Variants in STXBP5L observed in about 807,000 individuals in gnomAD.
STXBP5L encodes syntaxin-binding protein 5-like.
STXBP5L carries 65 observed loss-of-function variants against 144.5 expected under a neutral mutation model. The observed-to-expected ratio is 0.45, with a 90% CI of 0.37 to 0.55. The LOEUF (loss-of-function observed/expected upper bound fraction) is 0.55, where lower values mean the gene tolerates loss of function less well. Among genes scored for constraint, STXBP5L ranks in the 20% least tolerant of loss-of-function variants. The pLI, the probability that STXBP5L is intolerant of heterozygous loss-of-function variation, is 0.00. For missense variants in STXBP5L, 1,298 were observed against 1,405.5 expected (o/e 0.92, Z 1.22); for synonymous variants, 505 against 469.6 (o/e 1.08, Z -0.97).
rs185485716 is a variant in STXBP5L, at chr3:120,952,380, T to C, written c.190-2560T>C. ...TTGTGTAGTTTTCAGAGTACAAATT[T>C]TGCACTTCTTTTGTTCATTTTATTC... On this transcript the variant is annotated intron_variant, in intron 2 of 26. Transcript: ENST00000471454. 2.6e-5 allele frequency among the ~76,000 whole-genome samples: 4 copies of C among 152,228 alleles called. No individual in the cohort carries two copies. In the East Asian group the frequency reaches 7.7e-4, roughly 29 times the overall value.
intron 6 of STXBP5L, among the ~76,000 whole-genome samples, chr3:121,116,162 C>T (rs1000424890): frequency 1.3e-5 from 2 of 152,054 alleles, no homozygotes; most frequent in South Asian, 2.1e-4. Context: ...TTATTTAACA[C>T]GTTTATGCTC....
intron 3 of STXBP5L, among the ~76,000 whole-genome samples, chr3:121,001,402 A>G (rs1464458397): frequency 6.6e-6 from 1 of 152,184 alleles, no homozygotes; most frequent in Non-Finnish European, 1.5e-5. Context: ...TCCCACAGGC[A>G]CGATAGCTCT....
chr3:121,182,217 A>G (rs1470775919), intron 9 of STXBP5L, among the ~76,000 whole-genome samples: 1 of 152,218 alleles, frequency 6.6e-6, no homozygotes, highest in Non-Finnish European at 1.5e-5. Flanking sequence ...TGCAGAATAT[A>G]CATTCTTCTC....
At chr3:121,147,656 C>A (rs1353837667) in intron 7 of STXBP5L, among the ~76,000 whole-genome samples, 1 of 152,020 alleles carries the variant, frequency 6.6e-6, no homozygotes, top group Non-Finnish European at 1.5e-5. Context: ...CTTGAGGTAA[C>A]CAAATATTGG....
chr3:120,991,960 A>G (rs1297663311), intron 3 of STXBP5L, among the ~76,000 whole-genome samples: 3 of 152,192 alleles, frequency 2.0e-5, no homozygotes, highest in Admixed American at 2.0e-4. Flanking sequence ...TTAAAGTATA[A>G]TAAAAAAAAT....
rs1295826961 is a variant in STXBP5L, at chr3:121,301,367, A to G, written c.2111-17108A>G. Among the ~76,000 whole-genome samples, 3 of 152,256 alleles carry G rather than the reference A, an allele frequency of 2.0e-5. No homozygotes were observed. The East Asian group carries it at 5.8e-4, about 29-fold the overall frequency. On this transcript the variant is annotated intron_variant, in intron 19 of 26. Coordinates refer to ENST00000471454, the MANE Select transcript of STXBP5L (RefSeq NM_001308330.2). Reference sequence around the variant, plus strand: ...TGTTTGTCTGTTATTGGTGTATAAGAATGCTTGTGATTTTTGCACGTTGAT... The same window carrying G: ...TGTTTGTCTGTTATTGGTGTATAAGGATGCTTGTGATTTTTGCACGTTGAT...
intron 5 of STXBP5L, among the ~76,000 whole-genome samples, chr3:121,050,523 C>G (rs940916167): frequency 3.6e-4 from 55 of 152,152 alleles, no homozygotes; most frequent in Admixed American, 1.1e-3. Context: ...ACTTTACAGA[C>G]AAGCAAATGC....
chr3:121,049,956 C>T (rs752789967), intron 5 of STXBP5L, among the ~76,000 whole-genome samples: 6 of 152,228 alleles, frequency 3.9e-5, no homozygotes, highest in Middle Eastern at 3.4e-3. Context: ...TCCAAGGATG[C>T]AAAGGTCCAT....
At chr3:121,138,823 C>T (rs1012184430) in intron 7 of STXBP5L, among the ~76,000 whole-genome samples, 1 of 151,962 alleles carries the variant, frequency 6.6e-6, no homozygotes. Context: ...AGGGGAAATG[C>T]TTCATGACAT....
chr3:121,109,532 T>C (rs546346512), intron 5 of STXBP5L, among the ~76,000 whole-genome samples: 2 of 152,316 alleles, frequency 1.3e-5, no homozygotes, highest in Admixed American at 1.3e-4. Context: ...TTGTATGGGT[T>C]TGACTGTGTT....
At chr3:121,250,685 A>C (rs746926699) in intron 14 of STXBP5L, 38 bp from the exon 15 acceptor site, 2 of 1,519,088 alleles carry the variant, frequency 1.3e-6, no homozygotes, top group Admixed American at 3.6e-5. Flanking sequence ...ATTTTTATTT[A>C]GTATACTTTA....
chr3:121,341,979 TTAAA>T (rs899394722), intron 20 of STXBP5L, among the ~76,000 whole-genome samples: 18 of 152,030 alleles, frequency 1.2e-4, no homozygotes, highest in African/African-American at 2.9e-4. Flanking sequence ...TTAGAATAAC[TTAAA>T]TAATATAATT....
At chr3:121,317,714 G>C (rs564869280) in intron 19 of STXBP5L, among the ~76,000 whole-genome samples, 1 of 152,160 alleles carries the variant, frequency 6.6e-6, no homozygotes, top group South Asian at 2.1e-4. Flanking sequence ...CAAGTAGAAA[G>C]AATTATAAAA....
At chr3:121,038,193 A>T (rs1415767861) in intron 3 of STXBP5L, among the ~76,000 whole-genome samples, 1 of 151,746 alleles carries the variant, frequency 6.6e-6, no homozygotes, top group African/African-American at 2.4e-5. Context: ...TTTGAAATTA[A>T]TTTGCTCTTC....
At chr3:121,318,413 A>T in intron 19 of STXBP5L, 62 bp from the exon 20 acceptor site, 1 of 1,332,804 alleles carries the variant, frequency 7.5e-7, no homozygotes, top group Non-Finnish European at 1.0e-6. Context: ...GGAATTAAGA[A>T]ATAAGAATAA....
intron 20 of STXBP5L, among the ~76,000 whole-genome samples, chr3:121,340,638 A>T (rs920897610): frequency 1.3e-5 from 2 of 152,076 alleles, no homozygotes; most frequent in Admixed American, 6.6e-5. Flanking sequence ...AACTTCATCC[A>T]TGTTCCTGCA....
chr3:120,936,614 G>A (rs535252366), intron 2 of STXBP5L, among the ~76,000 whole-genome samples: 1 of 151,698 alleles, frequency 6.6e-6, no homozygotes, highest in Non-Finnish European at 1.5e-5. Context: ...TCTGATACAT[G>A]CAGGTTTTTT....
chr3:121,325,725 T>C (rs1169244945), intron 20 of STXBP5L, among the ~76,000 whole-genome samples: 1 of 152,014 alleles, frequency 6.6e-6, no homozygotes, highest in Admixed American at 6.6e-5. Flanking sequence ...ATATTAAGCC[T>C]TTTTTACTAA....
intron 5 of STXBP5L, among the ~76,000 whole-genome samples, chr3:121,113,810 C>T (rs61795520): frequency 2.0e-3 from 305 of 151,050 alleles, no homozygotes; most frequent in Non-Finnish European, 3.0e-3. Context: ...GTAGGTGGGA[C>T]TATGGGCACC....
Sources: allele counts gnomAD v4.1 joint callset (sites outside exome capture counted in the v4.1 genomes callset), GRCh38; gene constraint gnomAD v4.1.1; transcripts MANE v1.5; gene names NCBI Gene and HGNC (gene_info 2026-07-23, HGNC 2026-07-21).